Variants in PPARGC1A observed in about 807,000 individuals in gnomAD.
The protein encoded by PPARGC1A is PPARG coactivator 1 alpha, also known as peroxisome proliferator-activated receptor gamma coactivator 1-alpha.
A neutral mutation model predicts 88.7 loss-of-function variants in PPARGC1A; 25 were observed. The ratio of observed to expected loss-of-function variants is 0.28; its 90% CI spans 0.21 to 0.39. PPARGC1A has a LOEUF of 0.39. Among genes scored for constraint, PPARGC1A ranks in the 10% least tolerant of loss-of-function variants. The pLI is 1.00. For synonymous variants in PPARGC1A, 363 were observed against 355.6 expected (o/e 1.02, Z -0.24); for missense variants, 880 against 968.7 (o/e 0.91, Z 1.22).
chr4:24,431,985 G>A, the PPARGC1A span, among the ~76,000 whole-genome samples: 1 of 152,194 alleles, frequency 6.6e-6, no homozygotes, highest in African/African-American at 2.4e-5. Flanking sequence ...TCAATAACAT[G>A]TTAGGATAAA....
At chr4:24,269,661 TATC>T in the PPARGC1A span, among the ~76,000 whole-genome samples, 44,871 of 148,832 alleles carry the variant, frequency 0.3, 7,717 homozygotes, top group Non-Finnish European at 0.39. Context: ...CACACTTTAT[TATC>T]ATCATCATCA....
intron 2 of PPARGC1A, among the ~76,000 whole-genome samples, chr4:23,836,280 A>C (rs1419164608): frequency 1.3e-5 from 2 of 152,200 alleles, no homozygotes; most frequent in Non-Finnish European, 2.9e-5. Context: ...GGTAGAAAAC[A>C]GGCCAACGGG....
rs952464422 is a variant in PPARGC1A, at chr4:23,794,361, C to T, written c.*1461G>A. On this transcript the variant is annotated 3_prime_UTR_variant, in exon 13 of 13. Transcript: ENST00000264867. ...GTATAAAACTTCAAAGAAAAACAAG[C>T]GACAAGAAAATGTGGAAAAATATCG... The T allele has an allele frequency of 6.6e-6, 1 of 152,392 alleles. No individual in the cohort carries two copies. The highest frequency in any genetic ancestry group is 1.5e-5 in the Non-Finnish European group (1 of 67,976). The allele number at this position is 152,392 out of a possible 1,614,324, so 9.4% of individuals were successfully genotyped here.
chr4:23,997,734 C>G, the PPARGC1A span, among the ~76,000 whole-genome samples: 10 of 151,984 alleles, frequency 6.6e-5, no homozygotes, highest in Non-Finnish European at 1.5e-4. Context: ...TCAGGCAATC[C>G]ACCTGCCTCA....
the PPARGC1A span, among the ~76,000 whole-genome samples, chr4:24,377,795 T>TA: frequency 2.0e-5 from 3 of 152,162 alleles, no homozygotes; most frequent in African/African-American, 7.2e-5. Context: ...ATTGTGTGAC[T>TA]AAAAGGGTCA....
chr4:23,826,526 G>GA (rs995461569), intron 5 of PPARGC1A, among the ~76,000 whole-genome samples: 4 of 152,050 alleles, frequency 2.6e-5, no homozygotes, highest in East Asian at 3.9e-4. Flanking sequence ...TGTTCAGTGA[G>GA]AAAAAAATTA....
the PPARGC1A span, among the ~76,000 whole-genome samples, chr4:24,422,504 T>C: frequency 2.0e-5 from 3 of 152,186 alleles, no homozygotes; most frequent in African/African-American, 7.2e-5. Context: ...CATTCTCATG[T>C]TTTAAGATTC....
the PPARGC1A span, among the ~76,000 whole-genome samples, chr4:24,344,886 G>A: frequency 6.6e-6 from 1 of 152,100 alleles, no homozygotes; most frequent in Admixed American, 6.5e-5. Context: ...TATAATTTCA[G>A]GTTTTAGGTT....
chr4:23,853,461 G>A (rs1285951639), intron 2 of PPARGC1A, among the ~76,000 whole-genome samples: 1 of 152,098 alleles, frequency 6.6e-6, no homozygotes, highest in Non-Finnish European at 1.5e-5. Context: ...ACATTTTGAG[G>A]AGGTACTCAA....
chr4:24,246,443 G>A, the PPARGC1A span, among the ~76,000 whole-genome samples: 2 of 152,198 alleles, frequency 1.3e-5, no homozygotes, highest in Admixed American at 6.5e-5. Flanking sequence ...GGGCAACATG[G>A]TGAAACCCCC....
chr4:24,467,102 AGGAG>A, the PPARGC1A span, among the ~76,000 whole-genome samples: 13 of 126,540 alleles, frequency 1.0e-4, no homozygotes, highest in African/African-American at 2.0e-4. Flanking sequence ...GAGAGAGAGA[AGGAG>A]GGAGGGAGGG....
At chr4:23,826,806 T>C (rs1017420659) in intron 5 of PPARGC1A, among the ~76,000 whole-genome samples, 2 of 151,990 alleles carry the variant, frequency 1.3e-5, no homozygotes, top group African/African-American at 4.8e-5. Flanking sequence ...CTAAAGAAAA[T>C]TTCCTCCAAA....
chr4:24,447,195 G>A, the PPARGC1A span, among the ~76,000 whole-genome samples: 321 of 152,296 alleles, frequency 2.1e-3, 4 homozygotes, highest in East Asian at 0.037. Context: ...CCAAGGCTCT[G>A]GAGAAACAGA....
chr4:24,189,153 A>G, the PPARGC1A span, among the ~76,000 whole-genome samples: 2 of 152,106 alleles, frequency 1.3e-5, no homozygotes, highest in Non-Finnish European at 2.9e-5. Flanking sequence ...GGTTGCAGGG[A>G]GTGGGAAATG....
At chr4:24,464,853 C>T in the PPARGC1A span, among the ~76,000 whole-genome samples, 1 of 152,164 alleles carries the variant, frequency 6.6e-6, no homozygotes, top group Non-Finnish European at 1.5e-5. Flanking sequence ...GCATGTTTCT[C>T]CTGTATGAAG....
At chr4:24,219,370 G>A in the PPARGC1A span, among the ~76,000 whole-genome samples, 3 of 152,278 alleles carry the variant, frequency 2.0e-5, no homozygotes, top group African/African-American at 4.8e-5. Flanking sequence ...GGCTGGGATT[G>A]CTACATTCCC....
At chr4:23,911,824 C>T in the PPARGC1A span, among the ~76,000 whole-genome samples, 2 of 152,224 alleles carry the variant, frequency 1.3e-5, no homozygotes, top group Non-Finnish European at 2.9e-5. Context: ...TTAACCTATT[C>T]TTATATGTAC....
At chr4:24,070,091 G>T in the PPARGC1A span, among the ~76,000 whole-genome samples, 1 of 152,086 alleles carries the variant, frequency 6.6e-6, no homozygotes, top group Non-Finnish European at 1.5e-5. Context: ...TTCATATAAG[G>T]GATTACTGTG....
chr4:24,252,637 T>C, the PPARGC1A span, among the ~76,000 whole-genome samples: 1 of 152,196 alleles, frequency 6.6e-6, no homozygotes, highest in South Asian at 2.1e-4. Context: ...GGAATATGAG[T>C]GAGTGGCCTG....
Sources: allele counts gnomAD v4.1 joint callset (sites outside exome capture counted in the v4.1 genomes callset), GRCh38; gene constraint gnomAD v4.1.1; transcripts MANE v1.5; gene names NCBI Gene and HGNC (gene_info 2026-07-23, HGNC 2026-07-21).